The following EFCAB6 variants were observed in gnomAD, a reference collection of about 807,000 sequenced individuals.
EFCAB6 encodes EF-hand calcium-binding domain-containing protein 6.
Under a neutral mutation model 169.8 loss-of-function variants are expected in EFCAB6, and 156 were observed. That is an observed-to-expected ratio of 0.92 (90% confidence interval 0.81 to 1.05). The LOEUF is 1.05. EFCAB6 is among the 50% of genes least tolerant of loss of function. The pLI, the probability that EFCAB6 is intolerant of heterozygous loss-of-function variation, is 0.00. For missense variants in EFCAB6, 1,800 were observed against 1,829.1 expected (o/e 0.98, Z 0.29); for synonymous variants, 698 against 676.4 (o/e 1.03, Z -0.50).
intron 5 of EFCAB6, among the ~76,000 whole-genome samples, chr22:43,764,685 A>G (rs899555219): frequency 6.6e-6 from 1 of 152,210 alleles, no homozygotes; most frequent in African/African-American, 2.4e-5. Flanking sequence ...GAGGAAATGA[A>G]GCTTATTCAT....
intron 10 of EFCAB6, among the ~76,000 whole-genome samples, chr22:43,689,349 GCACACACA>G (rs3221390): frequency 2.0e-5 from 3 of 146,962 alleles, no homozygotes; most frequent in East Asian, 2.0e-4. Context: ...GAGAGCACGT[GCACACACA>G]CACACACACA....
Position 43,572,206 on chromosome 22 carries a change from G to A in EFCAB6, c.3420+4091C>T, listed in dbSNP as rs1032941475. On this transcript the variant is annotated intron_variant, in intron 26 of 31. Transcript: ENST00000262726. The surrounding 1 kb of genome is among the most constrained non-coding windows in gnomAD (Gnocchi z 4.0). ...TGAGGATGTTGAGCAGGTGCTTCTG[G>A]AGGTGAAGGCAACTCTTTGTGATGC... Among the ~76,000 whole-genome samples, 2 of 152,190 alleles carry A rather than the reference G, an allele frequency of 1.3e-5. No homozygotes were observed. Among genetic ancestry groups the A allele is most frequent in the Admixed American group, 6.5e-5 (1 of 15,274 alleles).
In EFCAB6 at chr22:43,537,629, G is replaced by A; in HGVS notation, c.3880-84C>T. 1 of 1,448,128 alleles carries A rather than the reference G, an allele frequency of 6.9e-7. No homozygotes were observed. 89.7% of individuals were successfully genotyped at this position (1,448,128 alleles called of 1,614,324 possible). ...AAAATACCTCAATACCTCCAGTTTT[G>A]AGGTTCACAATTTTAGAGGCAGAAT... On this transcript the variant is annotated intron_variant, in intron 28 of 31. Transcript: ENST00000262726. The surrounding 1 kb of genome is among the most constrained non-coding windows in gnomAD (Gnocchi z 4.3).
chr22:43,649,806 T>A (rs2056374211), intron 17 of EFCAB6, among the ~76,000 whole-genome samples: 2 of 151,664 alleles, frequency 1.3e-5, no homozygotes, highest in Admixed American at 1.3e-4. Flanking sequence ...GAGAGAAGGG[T>A]GAAGCTGGAA....
rs765249461 is a variant in EFCAB6 at position 43,706,354 on chromosome 22, C to T, written c.1031+5121G>A. Among the ~76,000 whole-genome samples, 12 of 152,342 alleles carry T rather than the reference C, an allele frequency of 7.9e-5. No individual in the cohort carries two copies. In the South Asian group the frequency reaches 1.2e-3, roughly 16 times the overall value. On this transcript the variant is annotated intron_variant, in intron 10 of 31. Coordinates refer to ENST00000262726, the MANE Select transcript of EFCAB6 (RefSeq NM_022785.4). ...CCAGAAAACTGAATCAGAAGTAGTT[C>T]CTCTTTGTTATTCTCCATTGTAGTC... is the stretch of plus-strand genomic sequence containing the variant.
chr22:43,722,747 T>G (rs975829029), intron 8 of EFCAB6, among the ~76,000 whole-genome samples: 1 of 152,138 alleles, frequency 6.6e-6, no homozygotes, highest in Admixed American at 6.5e-5. Context: ...CAACAACACA[T>G]GCACTCATAT....
At chr22:43,736,216 T>TA (rs980187398) in intron 6 of EFCAB6, among the ~76,000 whole-genome samples, 9 of 152,136 alleles carry the variant, frequency 5.9e-5, no homozygotes, top group South Asian at 2.1e-4. Flanking sequence ...CTTAGTAATT[T>TA]AAAAAAAATC....
intron 6 of EFCAB6, among the ~76,000 whole-genome samples, chr22:43,750,464 G>A (rs552650400): frequency 9.2e-5 from 14 of 152,232 alleles, no homozygotes; most frequent in African/African-American, 3.1e-4. Context: ...ACAGCTCTAC[G>A]ATATGCTAAT....
At chr22:43,621,645 A>T (rs2054122831) in intron 20 of EFCAB6, among the ~76,000 whole-genome samples, 1 of 152,160 alleles carries the variant, frequency 6.6e-6, no homozygotes, top group Non-Finnish European at 1.5e-5. Context: ...TAAGAAATAT[A>T]AAAGATAAAC....
At chr22:43,569,172 C>T (rs528170633) in intron 26 of EFCAB6, among the ~76,000 whole-genome samples, 9 of 152,336 alleles carry the variant, frequency 5.9e-5, no homozygotes, top group East Asian at 1.9e-4. Flanking sequence ...AGAGCCAGGC[C>T]GGACCCAGGA....
intron 10 of EFCAB6, among the ~76,000 whole-genome samples, chr22:43,689,603 A>C (rs2058333046): frequency 6.6e-6 from 1 of 152,202 alleles, no homozygotes. Context: ...CCAAGAACAC[A>C]GCTTCAAGCT....
At chr22:43,593,548 T>C (rs1410585404) in intron 23 of EFCAB6, among the ~76,000 whole-genome samples, 1 of 152,234 alleles carries the variant, frequency 6.6e-6, no homozygotes, top group Non-Finnish European at 1.5e-5. Context: ...TATACCAATC[T>C]TGCACATATT....
chr22:43,599,440 G>A (rs1433282348), intron 23 of EFCAB6, among the ~76,000 whole-genome samples: 2 of 136,792 alleles, frequency 1.5e-5, no homozygotes, highest in Admixed American at 1.7e-4. Flanking sequence ...AACCCGGGAG[G>A]TGGAGGTTGC....
At chr22:43,750,049 C>G (rs1490937251) in intron 6 of EFCAB6, among the ~76,000 whole-genome samples, 3 of 152,094 alleles carry the variant, frequency 2.0e-5, no homozygotes, top group Admixed American at 2.0e-4. Flanking sequence ...ACTGTACCCC[C>G]ACACCATGCT....
At chr22:43,697,123 G>T (rs1395723602) in intron 10 of EFCAB6, among the ~76,000 whole-genome samples, 2 of 152,154 alleles carry the variant, frequency 1.3e-5, no homozygotes, top group Non-Finnish European at 2.9e-5. Flanking sequence ...ATCAGCCAGG[G>T]TGTTTAAATG....
chr22:43,689,355 AC>A (rs2058322418), intron 10 of EFCAB6, among the ~76,000 whole-genome samples: 1 of 151,028 alleles, frequency 6.6e-6, no homozygotes, highest in Non-Finnish European at 1.5e-5. Flanking sequence ...ACGTGCACAC[AC>A]ACACACACAC....
At chr22:43,632,389 T>A in intron 18 of EFCAB6, 151 bp from the exon 19 acceptor site, 1 of 1,153,308 alleles carries the variant, frequency 8.7e-7, no homozygotes, top group Non-Finnish European at 1.2e-6. Context: ...AACCTCCACC[T>A]CCTGGGTTCA....
At chr22:43,582,368 A>ACACACG (rs4015196) in intron 24 of EFCAB6, among the ~76,000 whole-genome samples, 7 of 151,950 alleles carry the variant, frequency 4.6e-5, no homozygotes, top group African/African-American at 1.7e-4. Context: ...ACACACACAC[A>ACACACG]TACACACAGG....
intron 6 of EFCAB6, among the ~76,000 whole-genome samples, chr22:43,737,468 G>A (rs1302643126): frequency 7.7e-6 from 1 of 130,176 alleles, no homozygotes; most frequent in Non-Finnish European, 1.6e-5. Context: ...ACACACCCCT[G>A]TGCATATATT....
Sources: allele counts gnomAD v4.1 joint callset (sites outside exome capture counted in the v4.1 genomes callset), GRCh38; gene constraint gnomAD v4.1.1; non-coding constraint Gnocchi (gnomAD v3.1); transcripts MANE v1.5; gene names NCBI Gene and HGNC (gene_info 2026-07-23, HGNC 2026-07-21).